The following CFAP299 variants were observed in gnomAD, a reference collection of about 807,000 sequenced individuals.
CFAP299 encodes the protein cilia- and flagella-associated protein 299.
CFAP299 carries 21 observed loss-of-function variants against 27.0 expected under a neutral mutation model. The ratio of observed to expected loss-of-function variants is 0.78; its 90% CI spans 0.55 to 1.12. The LOEUF (loss-of-function observed/expected upper bound fraction) is 1.12. CFAP299 is among the 50% of genes most tolerant of loss of function. The pLI, the probability that CFAP299 is intolerant of heterozygous loss-of-function variation, is 0.00. For synonymous variants in CFAP299, 104 were observed against 98.1 expected (o/e 1.06, Z -0.36); for missense variants, 310 against 276.6 (o/e 1.12, Z -0.86).
At chr4:80,419,408 A>C (rs971712406) in intron 2 of CFAP299, among the ~76,000 whole-genome samples, 1 of 152,024 alleles carries the variant, frequency 6.6e-6, no homozygotes, top group African/African-American at 2.4e-5. Context: ...TGCTCACTTG[A>C]GGTGTTCTTT....
At chr4:80,546,978 C>T (rs964591957) in intron 2 of CFAP299, among the ~76,000 whole-genome samples, 2 of 152,030 alleles carry the variant, frequency 1.3e-5, no homozygotes, top group Non-Finnish European at 2.9e-5. Flanking sequence ...AGATTCAATG[C>T]TATTCCAGTC....
At chr4:80,496,235 C>A (rs1261066810) in intron 2 of CFAP299, among the ~76,000 whole-genome samples, 2 of 152,142 alleles carry the variant, frequency 1.3e-5, no homozygotes, top group Non-Finnish European at 2.9e-5. Context: ...AATATAAGTT[C>A]CAACTTTAAC....
intron 2 of CFAP299, among the ~76,000 whole-genome samples, chr4:80,422,323 CT>C (rs1307216714): frequency 6.6e-6 from 1 of 151,960 alleles, no homozygotes; most frequent in Non-Finnish European, 1.5e-5. Context: ...AAATAAGTAG[CT>C]TTTCCCCTCA....
intron 3 of CFAP299, among the ~76,000 whole-genome samples, chr4:80,586,867 T>C (rs1736473093): frequency 6.6e-6 from 1 of 152,144 alleles, no homozygotes; most frequent in Non-Finnish European, 1.5e-5. Context: ...ATGTAAACAG[T>C]CACATGGATG....
intron 2 of CFAP299, among the ~76,000 whole-genome samples, chr4:80,375,172 G>T (rs1388040390): frequency 6.6e-6 from 1 of 152,166 alleles, no homozygotes; most frequent in African/African-American, 2.4e-5. Flanking sequence ...GGGACATATT[G>T]TGTGAAACCA....
intron 2 of CFAP299, among the ~76,000 whole-genome samples, chr4:80,548,757 C>T (rs1390541922): frequency 6.6e-6 from 1 of 152,094 alleles, no homozygotes; most frequent in Non-Finnish European, 1.5e-5. Flanking sequence ...TCTAACTTTG[C>T]TATCTTCTAT....
chr4:80,535,336 AG>A (rs1160492651), intron 2 of CFAP299, among the ~76,000 whole-genome samples: 1 of 128,062 alleles, frequency 7.8e-6, no homozygotes, highest in African/African-American at 3.8e-5. Flanking sequence ...CTAGAACTGA[AG>A]AGCTTCAATT....
chr4:80,678,550 G>A (rs1719624890), intron 3 of CFAP299, among the ~76,000 whole-genome samples: 3 of 151,968 alleles, frequency 2.0e-5, no homozygotes, highest in Admixed American at 1.3e-4. Flanking sequence ...GAGTCACAAA[G>A]AAGTTAAATA....
chr4:80,696,225 T>G (rs1178246708), intron 3 of CFAP299, among the ~76,000 whole-genome samples: 1 of 149,830 alleles, frequency 6.7e-6, no homozygotes, highest in Non-Finnish European at 1.5e-5. Context: ...TGCTTGAACC[T>G]GGGAGGCGGA....
intron 4 of CFAP299, among the ~76,000 whole-genome samples, chr4:80,920,853 CA>C (rs1364153091): frequency 6.6e-6 from 1 of 152,066 alleles, no homozygotes; most frequent in African/African-American, 2.4e-5. Flanking sequence ...TTTCTAAAAG[CA>C]ACTAAAATTA....
intron 2 of CFAP299, chr4:80,386,461 G>A (rs1725000607): frequency 2.0e-6 from 3 of 1,534,210 alleles, no homozygotes; most frequent in East Asian, 2.4e-5. Flanking sequence ...ACCACCTTGC[G>A]CCCACCACTG....
At chr4:80,593,707 C>T (rs35466241) in intron 3 of CFAP299, among the ~76,000 whole-genome samples, 12,264 of 152,114 alleles carry the variant, frequency 0.081, 565 homozygotes, top group Middle Eastern at 0.21. Context: ...TTGTTGATGT[C>T]TGATGTTTGT....
chr4:80,507,339 A>G (rs1256620386), intron 2 of CFAP299, among the ~76,000 whole-genome samples: 4 of 151,952 alleles, frequency 2.6e-5, no homozygotes, highest in Non-Finnish European at 5.9e-5. Context: ...TGGTCTTACT[A>G]CTCCATCTGT....
intron 2 of CFAP299, among the ~76,000 whole-genome samples, chr4:80,490,510 G>A (rs569096649): frequency 1.3e-5 from 2 of 152,256 alleles, no homozygotes; most frequent in South Asian, 4.1e-4. Context: ...CTTGTTCACT[G>A]TGAATCTCTC....
intron 2 of CFAP299, among the ~76,000 whole-genome samples, chr4:80,542,798 C>T (rs532220178): frequency 3.3e-5 from 5 of 152,222 alleles, no homozygotes; most frequent in South Asian, 4.1e-4. Flanking sequence ...TACTGATAGC[C>T]TCCTGCCAGA....
At chr4:80,339,150 C>A (rs1722311127) in intron 1 of CFAP299, among the ~76,000 whole-genome samples, 1 of 152,204 alleles carries the variant, frequency 6.6e-6, no homozygotes, top group African/African-American at 2.4e-5. Flanking sequence ...AGCTATAGCA[C>A]TCTCTCCAGG....
chr4:80,606,648 A>G (rs1479532627), intron 3 of CFAP299, among the ~76,000 whole-genome samples: 1 of 152,134 alleles, frequency 6.6e-6, no homozygotes, highest in African/African-American at 2.4e-5. Flanking sequence ...ATTAGAAATA[A>G]TGGTATTAGA....
intron 2 of CFAP299, among the ~76,000 whole-genome samples, chr4:80,455,858 G>A (rs1046010077): frequency 2.6e-5 from 4 of 151,912 alleles, no homozygotes; most frequent in East Asian, 1.9e-4. Context: ...CTGTCATTAA[G>A]CACCAAGGAA....
intron 2 of CFAP299, among the ~76,000 whole-genome samples, chr4:80,505,135 GAT>G (rs10616252): frequency 0.15 from 22,291 of 150,194 alleles, 2,450 homozygotes; most frequent in African/African-American, 0.31. Flanking sequence ...CTTATATATT[GAT>G]ATATATATAA....
Sources: gnomAD v4.1 joint callset for allele counts (sites outside exome capture counted in the v4.1 genomes callset) on GRCh38, gnomAD v4.1.1 for gene constraint, MANE v1.5 for transcripts, NCBI Gene and HGNC (gene_info 2026-07-23, HGNC 2026-07-21) for gene names.